Variants in SLC12A6 observed in about 807,000 individuals in gnomAD.
The protein encoded by SLC12A6 is K-Cl cotransporter 3.
In SLC12A6, 66 loss-of-function variants were observed where a neutral mutation model predicts 135.3. That is an observed-to-expected ratio of 0.49 (90% CI 0.40 to 0.60). SLC12A6 has a LOEUF of 0.60. Among genes scored for constraint, SLC12A6 ranks in the 20% least tolerant of loss-of-function variants. The pLI, the probability that SLC12A6 is intolerant of heterozygous loss-of-function variation, is 0.00. For missense variants in SLC12A6, 1,058 were observed against 1,452.3 expected, an observed-to-expected ratio of 0.73 and a Z score of 4.41; for synonymous variants, 513 against 508.8, an observed-to-expected ratio of 1.01 and a Z score of -0.11.
intron 2 of SLC12A6, among the ~76,000 whole-genome samples, chr15:34,285,915 C>T (rs1021976949): frequency 7.3e-5 from 11 of 151,598 alleles, no homozygotes; most frequent in African/African-American, 1.9e-4. Context: ...TGGTGGTTAA[C>T]GGGGTGGTAG....
At chr15:34,244,141 T>C in intron 15 of SLC12A6, 69 bp from the exon 16 acceptor site, 1 of 917,326 alleles carries the variant, frequency 1.1e-6, no homozygotes, top group Non-Finnish European at 1.8e-6. Context: ...AGTAACTGAA[T>C]ACCTTTGCTG....
chr15:34,335,771 A>G (rs137859153), intron 2 of SLC12A6, among the ~76,000 whole-genome samples: 167 of 152,336 alleles, frequency 1.1e-3, no homozygotes, highest in African/African-American at 4.0e-3. Flanking sequence ...CAGACTTTCC[A>G]TCTAAAGCTC....
chr15:34,283,065 G>A (rs767361791), intron 2 of SLC12A6, among the ~76,000 whole-genome samples: 50 of 152,130 alleles, frequency 3.3e-4, no homozygotes, highest in Non-Finnish European at 5.6e-4. Context: ...ATTAATAGCC[G>A]GGCACTGTGG....
At chr15:34,261,146 G>A (rs554681569) in intron 3 of SLC12A6, 126 bp from the exon 4 acceptor site, 4 of 688,724 alleles carry the variant, frequency 5.8e-6, no homozygotes, top group Non-Finnish European at 1.1e-5. Context: ...TTTAATCTTA[G>A]AACTCAATCA....
At position 34,230,697 on chromosome 15, in the gene SLC12A6, C is replaced by CT. The variant is rs1268708632; in HGVS notation, c.*3183dup. 2 of 152,546 alleles carry CT rather than the reference C, an allele frequency of 1.3e-5. No homozygotes were observed. The highest frequency in any genetic ancestry group is 1.3e-4 in the Admixed American group (2 of 15,248). The allele number at this position is 152,546 out of a possible 1,614,324, so 9.4% of individuals were successfully genotyped here. On this transcript the variant is annotated 3_prime_UTR_variant, in exon 26 of 26. Coordinates refer to ENST00000354181, the MANE Select transcript of SLC12A6 (RefSeq NM_001365088.1). ...GCATTCTCTCAAGTTTTCAGTATTG[C>CT]TTTATTTGCAGTGATTAAAAGAGAT...
In SLC12A6 at chr15:34,254,433, A is replaced by T; in HGVS notation, c.1033T>A (p.Ser345Thr). 6.2e-7 allele frequency: 1 copy of T among 1,613,812 alleles called. No individual in the cohort carries two copies. Residue 345 changes from serine (S) to threonine (T), a missense_variant, in exon 9 of 26, where the codon TCA (serine) becomes ACA (threonine). Transcript: ENST00000354181. ...ACAATGACACAGGCCAGGAAAAGTG[A>T]GGCAAACTTGTTCACATAGCGTACG... Reference protein sequence around the residue: ...IGVRYVNKFASLFLACVIVSI... With the variant: ...IGVRYVNKFATLFLACVIVSI...
chr15:34,231,345 A>T lies in SLC12A6; in HGVS notation c.*2536T>A, dbSNP rs1890915211. 1 of 149,642 alleles carries T rather than the reference A, an allele frequency of 6.7e-6. No individual in the cohort carries two copies. Among genetic ancestry groups the T allele is most frequent in the Non-Finnish European group, 1.5e-5 (1 of 67,850 alleles). The allele number at this position is 149,642 out of a possible 1,614,324, so 9.3% of individuals were successfully genotyped here. On this transcript the variant is annotated 3_prime_UTR_variant, in exon 26 of 26. Coordinates refer to ENST00000354181, the MANE Select transcript of SLC12A6 (RefSeq NM_001365088.1). ...CCATTTCACTCCAGCCTGGGCAACAAGAGCGAAACTACGTCTCGGAAAAAA... is the reference window on the plus strand; with the variant it reads ...CCATTTCACTCCAGCCTGGGCAACATGAGCGAAACTACGTCTCGGAAAAAA...
At chr15:34,277,909 G>C (rs1279730213) in intron 2 of SLC12A6, among the ~76,000 whole-genome samples, 1 of 152,184 alleles carries the variant, frequency 6.6e-6, no homozygotes, top group Non-Finnish European at 1.5e-5. Context: ...ACTGCCCAAA[G>C]AAAAAGGTTA....
chr15:34,323,940 C>CAAAAA (rs144461318), intron 2 of SLC12A6, among the ~76,000 whole-genome samples: 6 of 130,954 alleles, frequency 4.6e-5, no homozygotes, highest in African/African-American at 1.8e-4. Context: ...GATCTTGTCT[C>CAAAAA]AAAAAAAAAA....
At chr15:34,297,109 A>G (rs1895927959) in intron 2 of SLC12A6, among the ~76,000 whole-genome samples, 1 of 152,180 alleles carries the variant, frequency 6.6e-6, no homozygotes, top group South Asian at 2.1e-4. Context: ...ATCATTTTTA[A>G]AAATGTTTGT....
chr15:34,318,504 T>A, intron 2 of SLC12A6: 1 of 1,352,802 alleles, frequency 7.4e-7, no homozygotes, highest in Admixed American at 1.7e-5. Context: ...GATATCCTAG[T>A]TACTTCTTTC....
intron 15 of SLC12A6, among the ~76,000 whole-genome samples, chr15:34,245,001 GAATA>G (rs1891887898): frequency 6.6e-6 from 1 of 152,082 alleles, no homozygotes; most frequent in Non-Finnish European, 1.5e-5. Flanking sequence ...AGTCATAGGT[GAATA>G]AATAAATAAA....
chr15:34,281,929 A>T (rs371019627), intron 2 of SLC12A6, among the ~76,000 whole-genome samples: 4,149 of 152,264 alleles, frequency 0.027, 192 homozygotes, highest in African/African-American at 0.095. Flanking sequence ...AAAAATCCTT[A>T]TTTTAATTTT....
intron 2 of SLC12A6, among the ~76,000 whole-genome samples, chr15:34,335,503 TA>T (rs1890138481): frequency 6.6e-6 from 1 of 152,218 alleles, no homozygotes; most frequent in Non-Finnish European, 1.5e-5. Context: ...TTTTTATCAT[TA>T]AAAGATTACA....
chr15:34,234,771 G>C (rs1450177778), intron 25 of SLC12A6, among the ~76,000 whole-genome samples: 3 of 152,186 alleles, frequency 2.0e-5, no homozygotes, highest in Non-Finnish European at 4.4e-5. Context: ...ATGAAGGTAT[G>C]AGGAAGAATC....
At chr15:34,274,405 TAAG>T (rs1433333805) in intron 3 of SLC12A6, among the ~76,000 whole-genome samples, 1 of 152,182 alleles carries the variant, frequency 6.6e-6, no homozygotes, top group African/African-American at 2.4e-5. Flanking sequence ...AATGAGGTGG[TAAG>T]AAGAAGAGAT....
chr15:34,309,751 T>C (rs1294795772), intron 2 of SLC12A6, among the ~76,000 whole-genome samples: 1 of 151,976 alleles, frequency 6.6e-6, no homozygotes, highest in Non-Finnish European at 1.5e-5. Flanking sequence ...ATACTGCGGG[T>C]TGGGGAAGGA....
Position 34,245,413 on chromosome 15 carries a change from G to C in SLC12A6, c.1825-10C>G, listed in dbSNP as rs375226267. 1 of 1,462,216 alleles carries C rather than the reference G, an allele frequency of 6.8e-7. No homozygotes were observed. The highest frequency in any genetic ancestry group is 9.6e-7 in the Non-Finnish European group (1 of 1,041,300). The allele number at this position is 1,462,216 out of a possible 1,614,324, so 90.6% of individuals were successfully genotyped here. ...TGCTGTGGCCAAAAACCTGTACACA[G>C]AAGGGAAATATCAGGCACAGGAGTA... On this transcript the variant is annotated splice_polypyrimidine_tract_variant and intron_variant, in intron 14 of 25. Transcript: ENST00000354181.
At chr15:34,282,746 T>G (rs1198119982) in intron 2 of SLC12A6, among the ~76,000 whole-genome samples, 1 of 152,216 alleles carries the variant, frequency 6.6e-6, no homozygotes, top group Non-Finnish European at 1.5e-5. Context: ...CTCAGCACTA[T>G]TTCCATTAAG....
Sources: gnomAD v4.1 joint callset for allele counts (sites outside exome capture counted in the v4.1 genomes callset) on GRCh38, gnomAD v4.1.1 for gene constraint, MANE v1.5 for transcripts, NCBI Gene and HGNC (gene_info 2026-07-23, HGNC 2026-07-21) for gene names.